ANKRD2: variants seen among roughly 807,000 people sequenced by gnomAD.
ANKRD2 encodes the protein ankyrin repeat domain 2.
ANKRD2 carries 35 observed loss-of-function variants against 37.3 expected under a neutral mutation model. That is an observed-to-expected ratio of 0.94 (90% CI 0.72 to 1.24). The LOEUF (loss-of-function observed/expected upper bound fraction) is 1.24, where lower values mean the gene tolerates loss of function less well. Ranked by LOEUF, ANKRD2 falls within the 50% of genes most tolerant of loss-of-function variation. ANKRD2 has a pLI of 0.00. For synonymous variants in ANKRD2, 159 were observed against 186.5 expected (o/e 0.85, Z 1.20); for missense variants, 410 against 445.6 (o/e 0.92, Z 0.72).
At chr10:97,577,701 AC>A (rs2040841779) in intron 1 of ANKRD2, 98 bp from the exon 2 acceptor site, 1 of 999,610 alleles carries the variant, frequency 1.0e-6, no homozygotes, top group Non-Finnish European at 1.4e-6. Flanking sequence ...CTCTGAGACC[AC>A]CCAGGAGGAT....
rs370176397 is a variant in ANKRD2, at chr10:97,578,468, G to A, written c.349-30G>A. The A allele has an allele frequency of 2.8e-5, 45 of 1,598,166 alleles. No homozygotes were observed. The African/African-American group carries it at 5.2e-4, about 19-fold the overall frequency. On this transcript the variant is annotated intron_variant, in intron 3 of 8. Coordinates refer to ENST00000370655, the MANE Select transcript of ANKRD2 (RefSeq NM_001346793.2). ...CCGGGAGGCTTCGGATTGCTGGGACGGCCCGTGACTGCTGCGTCCACATCT... is the reference window on the plus strand; with the variant it reads ...CCGGGAGGCTTCGGATTGCTGGGACAGCCCGTGACTGCTGCGTCCACATCT...
chr10:97,581,030 G>T, intron 5 of ANKRD2, 77 bp downstream of exon 5: 1 of 1,337,540 alleles, frequency 7.5e-7, no homozygotes. Flanking sequence ...CCTGCCACCT[G>T]TGCCAACCTG....
intron 1 of ANKRD2, among the ~76,000 whole-genome samples, chr10:97,574,666 A>T (rs191520992): frequency 3.3e-5 from 5 of 152,282 alleles, no homozygotes; most frequent in Admixed American, 3.3e-4. Context: ...TTGGAGGTAG[A>T]TGCCATTCAA....
At chr10:97,582,786 C>G (rs1448957112) in intron 8 of ANKRD2, 84 bp downstream of exon 8, 1 of 1,226,410 alleles carries the variant, frequency 8.2e-7, no homozygotes, top group East Asian at 2.3e-5. Flanking sequence ...GAGCAGCCCC[C>G]GCCTAGGGAC....
chr10:97,582,181 G>A (rs1473518303), intron 6 of ANKRD2, 134 bp from the exon 7 acceptor site: 17 of 678,290 alleles, frequency 2.5e-5, no homozygotes, highest in Admixed American at 7.8e-5. Context: ...ACCATTCTCT[G>A]CCCCTCCAAG....
In ANKRD2 at chr10:97,582,648, C is replaced by T. The variant is rs1459012042; in HGVS notation, c.798C>T (p.Tyr266=). The T allele has an allele frequency of 1.9e-6, 3 of 1,614,062 alleles. No individual in the cohort carries two copies. Among genetic ancestry groups the T allele is most frequent in the African/African-American group, 1.3e-5 (1 of 74,924 alleles). ...ALHDAVRLNR[Y]KIIKLLLLHG... ...ATGACGCTGTGAGGCTCAACCGCTA[C>T]AAAATCATCAAACTGCTGCTCCTGC... is the stretch of plus-strand genomic sequence containing the variant. Residue 266 remains tyrosine, a synonymous_variant, in exon 8 of 9, where the codon TAC becomes TAT. Transcript: ENST00000370655.
intron 1 of ANKRD2, among the ~76,000 whole-genome samples, chr10:97,573,958 G>T (rs959908492): frequency 6.6e-6 from 1 of 152,190 alleles, no homozygotes; most frequent in African/African-American, 2.4e-5. Context: ...AGGGGCTCAT[G>T]AATTGTTCTG....
At chr10:97,582,491 C>G in intron 7 of ANKRD2, 78 bp downstream of exon 7, 4 of 1,578,234 alleles carry the variant, frequency 2.5e-6, no homozygotes, top group Non-Finnish European at 3.5e-6. Context: ...GGTGTCCTTC[C>G]TCCTGGGGCC....
At chr10:97,583,466 C>G in intron 8 of ANKRD2, 110 bp from the exon 9 acceptor site, 1 of 1,072,836 alleles carries the variant, frequency 9.3e-7, no homozygotes, top group South Asian at 1.7e-5. Context: ...CCAGTTGCCC[C>G]CATTTGAGAA....
At chr10:97,579,291 A>G (rs2040867606) in intron 4 of ANKRD2, among the ~76,000 whole-genome samples, 1 of 151,100 alleles carries the variant, frequency 6.6e-6, no homozygotes, top group Non-Finnish European at 1.5e-5. Flanking sequence ...TTTGTTTCTC[A>G]TGGTATAGTA....
intron 2 of ANKRD2, 96 bp from the exon 3 acceptor site, chr10:97,578,144 G>GCC: frequency 1.5e-6 from 1 of 685,442 alleles, no homozygotes; most frequent in Non-Finnish European, 2.5e-6. Context: ...GGGTCTTCCT[G>GCC]CCCACCCCAC....
intron 6 of ANKRD2, 97 bp downstream of exon 6, chr10:97,581,511 G>T: frequency 8.1e-7 from 1 of 1,236,220 alleles, no homozygotes; most frequent in Non-Finnish European, 1.2e-6. Context: ...CAGGAAGGTA[G>T]TGAGCTAGTC....
chr10:97,581,266 A>G (rs754145311), intron 5 of ANKRD2, 50 bp from the exon 6 acceptor site: 1 of 1,577,558 alleles, frequency 6.3e-7, no homozygotes, highest in Non-Finnish European at 8.7e-7. Context: ...TTACCCCCGA[A>G]TACTTTCTTC....
intron 8 of ANKRD2, among the ~76,000 whole-genome samples, chr10:97,583,193 A>T (rs2040925212): frequency 6.6e-6 from 1 of 152,184 alleles, no homozygotes; most frequent in South Asian, 2.1e-4. Context: ...GGCCCAGAGC[A>T]TTCACAAAAG....
chr10:97,574,724 G>C (rs1290423437), intron 1 of ANKRD2, among the ~76,000 whole-genome samples: 1 of 152,170 alleles, frequency 6.6e-6, no homozygotes, highest in African/African-American at 2.4e-5. Context: ...GAAGGGTCAA[G>C]ACCCCAAGGG....
chr10:97,583,140 A>G (rs374022088), intron 8 of ANKRD2, among the ~76,000 whole-genome samples: 147 of 152,298 alleles, frequency 9.7e-4, no homozygotes, highest in African/African-American at 3.3e-3. Context: ...GTGCCCAGGG[A>G]ACACCTTGGA....
chr10:97,581,033 C>T, intron 5 of ANKRD2, 80 bp downstream of exon 5: 1 of 1,320,282 alleles, frequency 7.6e-7, no homozygotes, highest in Non-Finnish European at 1.1e-6. Context: ...GCCACCTGTG[C>T]CAACCTGAAG....
intron 6 of ANKRD2, 45 bp from the exon 7 acceptor site, chr10:97,582,270 A>C (rs1421334836): frequency 6.7e-7 from 1 of 1,501,400 alleles, no homozygotes; most frequent in South Asian, 1.2e-5. Context: ...GGGGTACCAC[A>C]GTTCAGGCCC....
chr10:97,581,360 A>G lies in ANKRD2; in HGVS notation c.600A>G (p.Leu200=), dbSNP rs375975107. ...ATTGGGCCTGCCGCGGGGGCCACTT[A>G]GAGGTGGTGAAACTTCTGCAAAGCC... ...AMHWACRGGH[L]EVVKLLQSHG... is the part of the protein sequence containing the mutation. Residue 200 remains leucine, a synonymous_variant, in exon 6 of 9, where the codon TTA becomes TTG. Transcript: ENST00000370655. 4 of 1,614,044 alleles carry G rather than the reference A, an allele frequency of 2.5e-6. No homozygotes were observed. In the African/African-American group the frequency reaches 5.3e-5, roughly 22 times the overall value.
Sources: allele counts gnomAD v4.1 joint callset (sites outside exome capture counted in the v4.1 genomes callset), GRCh38; gene constraint gnomAD v4.1.1; transcripts MANE v1.5; gene names NCBI Gene and HGNC (gene_info 2026-07-23, HGNC 2026-07-21).